Variants in NXPE2 observed in about 807,000 individuals in gnomAD.
NXPE2 encodes the protein NXPE family member 2.
A neutral mutation model predicts 34.4 loss-of-function variants in NXPE2; 34 were observed. That is an observed-to-expected ratio of 0.99 (90% CI 0.75 to 1.31). The LOEUF (loss-of-function observed/expected upper bound fraction) is 1.31, where lower values mean the gene tolerates loss of function less well. NXPE2 is among the 40% of genes most tolerant of loss of function. The pLI is 0.00. For missense variants in NXPE2, 649 were observed against 672.5 expected (o/e 0.97, Z 0.39); for synonymous variants, 235 against 231.3 (o/e 1.02, Z -0.15).
the NXPE2 span, among the ~76,000 whole-genome samples, chr11:114,639,443 G>T: frequency 4.0e-5 from 6 of 151,720 alleles, no homozygotes; most frequent in Non-Finnish European, 7.4e-5. Flanking sequence ...GCCATGCTCT[G>T]CTTCGGCTCA....
the NXPE2 span, among the ~76,000 whole-genome samples, chr11:114,516,283 C>T: frequency 8.5e-5 from 13 of 152,120 alleles, no homozygotes; most frequent in African/African-American, 3.1e-4. Flanking sequence ...GTAGTAGGGA[C>T]ATTCAGGCAA....
chr11:114,674,078 G>C (rs193140389), upstream of NXPE2, among the ~76,000 whole-genome samples: 327 of 145,610 alleles, frequency 2.2e-3, 1 homozygote, highest in African/African-American at 7.8e-3. Flanking sequence ...AGGGGCTGGT[G>C]GACATTGTTT....
the NXPE2 span, among the ~76,000 whole-genome samples, chr11:114,495,726 C>T: frequency 5.3e-5 from 8 of 152,040 alleles, no homozygotes; most frequent in Non-Finnish European, 7.3e-5. Context: ...AGTTAGTAGA[C>T]GATGAATTTC....
At chr11:114,513,880 A>G in the NXPE2 span, among the ~76,000 whole-genome samples, 1 of 152,316 alleles carries the variant, frequency 6.6e-6, no homozygotes, top group South Asian at 2.1e-4. Flanking sequence ...TTTTGTAAAA[A>G]TTCATTAAAT....
the NXPE2 span, among the ~76,000 whole-genome samples, chr11:114,742,549 T>C: frequency 1.2e-4 from 19 of 152,084 alleles, no homozygotes; most frequent in Non-Finnish European, 2.4e-4. Flanking sequence ...CACTGAACTA[T>C]GCTTCCTTGG....
chr11:114,506,319 T>A, the NXPE2 span, among the ~76,000 whole-genome samples: 2 of 152,078 alleles, frequency 1.3e-5, no homozygotes, highest in Non-Finnish European at 2.9e-5. Context: ...ATTAGACAGA[T>A]CATTAAGACA....
chr11:114,777,971 C>T, the NXPE2 span, among the ~76,000 whole-genome samples: 1 of 152,226 alleles, frequency 6.6e-6, no homozygotes, highest in Non-Finnish European at 1.5e-5. Flanking sequence ...ACCTGGCTTA[C>T]AGTCCAGGGG....
chr11:114,615,332 G>A, the NXPE2 span, among the ~76,000 whole-genome samples: 2 of 151,752 alleles, frequency 1.3e-5, no homozygotes, highest in Admixed American at 6.6e-5. Flanking sequence ...ACCATTACCC[G>A]CCGGATACTA....
the NXPE2 span, among the ~76,000 whole-genome samples, chr11:114,539,776 AC>A: frequency 4.7e-3 from 718 of 152,296 alleles, 3 homozygotes; most frequent in Non-Finnish European, 8.1e-3. Flanking sequence ...AGTCAAATAA[AC>A]CAATCAAAAG....
At chr11:114,800,678 A>G in the NXPE2 span, among the ~76,000 whole-genome samples, 1 of 152,236 alleles carries the variant, frequency 6.6e-6, no homozygotes, top group African/African-American at 2.4e-5. Context: ...TTGGAATCAG[A>G]ACTCCCAAGT....
At chr11:114,706,324 C>T in intron 5 of NXPE2, 71 bp from the exon 6 acceptor site, 9 of 1,267,810 alleles carry the variant, frequency 7.1e-6, no homozygotes, top group Non-Finnish European at 9.6e-6. Context: ...GAATTTTATA[C>T]ATGTTGTGTG....
chr11:114,620,693 T>G, the NXPE2 span, among the ~76,000 whole-genome samples: 4 of 128,626 alleles, frequency 3.1e-5, no homozygotes, highest in Non-Finnish European at 7.5e-5. Flanking sequence ...TAACCACTGT[T>G]ACCTGGTGGA....
chr11:114,567,623 C>T, the NXPE2 span, among the ~76,000 whole-genome samples: 230 of 151,910 alleles, frequency 1.5e-3, 1 homozygote, highest in Middle Eastern at 3.4e-3. Context: ...CCCGTTTGGC[C>T]CACTGGGTGG....
At chr11:114,642,487 T>C in the NXPE2 span, among the ~76,000 whole-genome samples, 2 of 152,000 alleles carry the variant, frequency 1.3e-5, no homozygotes, top group African/African-American at 4.8e-5. Context: ...TGTGTTCTCA[T>C]TGTTCCACTC....
chr11:114,782,519 C>T, the NXPE2 span, among the ~76,000 whole-genome samples: 1 of 152,222 alleles, frequency 6.6e-6, no homozygotes, highest in African/African-American at 2.4e-5. Context: ...AAGCCATCCA[C>T]ATACCATTTA....
upstream of NXPE2, among the ~76,000 whole-genome samples, chr11:114,674,779 G>A (rs564735999): frequency 5.3e-5 from 8 of 151,756 alleles, no homozygotes; most frequent in African/African-American, 1.9e-4. Flanking sequence ...TGAAGTAAAG[G>A]GAATACTTTC....
chr11:114,637,330 A>G, the NXPE2 span, among the ~76,000 whole-genome samples: 4 of 151,762 alleles, frequency 2.6e-5, no homozygotes, highest in Admixed American at 2.0e-4. Flanking sequence ...ATCTTCCTCC[A>G]TCCTTTTATT....
the NXPE2 span, among the ~76,000 whole-genome samples, chr11:114,533,565 G>C: frequency 4.6e-5 from 7 of 152,180 alleles, no homozygotes; most frequent in South Asian, 1.2e-3. Flanking sequence ...ATGGCACCTG[G>C]AAAATCGGGT....
the NXPE2 span, among the ~76,000 whole-genome samples, chr11:114,655,832 C>T: frequency 6.6e-6 from 1 of 152,160 alleles, no homozygotes; most frequent in Admixed American, 6.6e-5. Flanking sequence ...GACAAACCCA[C>T]AGCCAATACT....
Sources: gnomAD v4.1 joint callset for allele counts (sites outside exome capture counted in the v4.1 genomes callset) on GRCh38, gnomAD v4.1.1 for gene constraint, MANE v1.5 for transcripts, NCBI Gene and HGNC (gene_info 2026-07-23, HGNC 2026-07-21) for gene names.